The following LRTM3 variants were observed in gnomAD, a reference collection of about 807,000 sequenced individuals.
LRTM3 encodes the protein leucine-rich repeat transmembrane protein 3.
chr13:102,744,859 T>C, the LRTM3 span: 1 of 1,550,712 alleles, frequency 6.4e-7, no homozygotes, highest in Non-Finnish European at 8.7e-7. Flanking sequence ...GGACAGTTGC[T>C]TGTAGATCTT....
the LRTM3 span, chr13:102,747,447 G>A: frequency 6.5e-7 from 1 of 1,548,314 alleles, no homozygotes; most frequent in Non-Finnish European, 8.7e-7. Context: ...TTGACACTGA[G>A]TACACTTTTT....
At chr13:102,754,643 A>G in the LRTM3 span, among the ~76,000 whole-genome samples, 2 of 152,156 alleles carry the variant, frequency 1.3e-5, no homozygotes, top group Admixed American at 6.5e-5. Context: ...GAAGCAGGAG[A>G]GAGTTGACTA....
chr13:102,744,620 C>T, the LRTM3 span: 1 of 1,550,758 alleles, frequency 6.4e-7, no homozygotes, highest in Non-Finnish European at 8.7e-7. Flanking sequence ...GCCTTCGGGA[C>T]TCTTCGGTTC....
the LRTM3 span, chr13:102,743,810 C>T: frequency 1.3e-6 from 2 of 1,550,324 alleles, no homozygotes; most frequent in Non-Finnish European, 1.7e-6. Flanking sequence ...CATAGTTAAA[C>T]ATTTGGCATT....
At chr13:102,749,201 G>GT in the LRTM3 span, 54 of 1,550,428 alleles carry the variant, frequency 3.5e-5, no homozygotes, top group East Asian at 1.1e-3. Context: ...TGAAGTTGGT[G>GT]TTTTTTTGGC....
the LRTM3 span, chr13:102,738,992 A>G: frequency 1.9e-6 from 3 of 1,550,354 alleles, no homozygotes; most frequent in African/African-American, 1.4e-5. Context: ...ACTATCATCA[A>G]TTGGCTGCTC....
At chr13:102,749,718 C>A in the LRTM3 span, 1 of 1,551,370 alleles carries the variant, frequency 6.4e-7, no homozygotes, top group South Asian at 1.2e-5. Context: ...TTAATTGATT[C>A]TTGGTTATGA....
the LRTM3 span, chr13:102,736,190 T>TGA: frequency 1.9e-6 from 3 of 1,548,004 alleles, no homozygotes; most frequent in Non-Finnish European, 2.6e-6. Flanking sequence ...GAATCTATGG[T>TGA]GAGAGAGAGA....
the LRTM3 span, chr13:102,733,837 T>A: frequency 6.4e-7 from 1 of 1,551,450 alleles, no homozygotes; most frequent in Non-Finnish European, 8.7e-7. Context: ...GCTCTGCCTC[T>A]GGGCGGGGCA....
At chr13:102,747,727 A>C in the LRTM3 span, 10 of 1,551,024 alleles carry the variant, frequency 6.4e-6, no homozygotes, top group South Asian at 8.3e-5. Context: ...CTGTAGGTCT[A>C]TCTGTGCTTT....
the LRTM3 span, chr13:102,732,837 C>G: frequency 1.3e-6 from 2 of 1,551,290 alleles, no homozygotes; most frequent in East Asian, 4.9e-5. Flanking sequence ...TTGTCCATTT[C>G]TAATTTTTTC....
At chr13:102,730,584 C>T in the LRTM3 span, 3 of 1,551,982 alleles carry the variant, frequency 1.9e-6, 1 homozygote, top group South Asian at 3.6e-5. Context: ...CTGTGCAGAT[C>T]ACGGTCAGAA....
At chr13:102,749,844 G>T in the LRTM3 span, 1 of 1,551,354 alleles carries the variant, frequency 6.4e-7, no homozygotes, top group Non-Finnish European at 8.7e-7. Context: ...CCAACAGAAG[G>T]TTGATTCTGA....
the LRTM3 span, chr13:102,745,360 T>C: frequency 6.4e-7 from 1 of 1,550,640 alleles, no homozygotes; most frequent in Non-Finnish European, 8.7e-7. Flanking sequence ...TTTTTTCTCT[T>C]AGCGTGTCTT....
At chr13:102,755,949 ATATATATATATATTTT>A in the LRTM3 span, among the ~76,000 whole-genome samples, 3 of 59,706 alleles carry the variant, frequency 5.0e-5, no homozygotes, top group South Asian at 2.1e-3. Context: ...ATACATATAT[ATATATATATATATTTT>A]TTTTTTTTCC....
chr13:102,744,853 A>T, the LRTM3 span: 3 of 1,550,514 alleles, frequency 1.9e-6, 1 homozygote, highest in South Asian at 3.6e-5. Flanking sequence ...ACTCCAGGAC[A>T]GTTGCTTGTA....
chr13:102,729,751 T>C, the LRTM3 span: 1 of 1,551,930 alleles, frequency 6.4e-7, no homozygotes, highest in South Asian at 1.2e-5. Context: ...CCAATCTTTC[T>C]GACTCATAAT....
At chr13:102,737,313 C>A in the LRTM3 span, 1 of 1,551,120 alleles carries the variant, frequency 6.4e-7, no homozygotes, top group Non-Finnish European at 8.7e-7. Context: ...TGCAAAGTAG[C>A]AGATTTTATT....
chr13:102,738,761 AG>A, the LRTM3 span: 1 of 1,550,586 alleles, frequency 6.4e-7, no homozygotes, highest in Middle Eastern at 1.7e-4. Context: ...AGAGTAAGGT[AG>A]AAAAGAGATG....
Sources: gnomAD v4.1 joint callset for allele counts (sites outside exome capture counted in the v4.1 genomes callset) on GRCh38, gnomAD v4.1.1 for gene constraint, MANE v1.5 for transcripts, NCBI Gene and HGNC (gene_info 2026-07-23, HGNC 2026-07-21) for gene names.